The following SPTLC2 variants were observed in gnomAD, a reference collection of about 807,000 sequenced individuals.
The protein encoded by SPTLC2 is serine palmitoyltransferase 2.
Under a neutral mutation model 62.0 loss-of-function variants are expected in SPTLC2, and 21 were observed. The observed-to-expected ratio is 0.34, with a 90% CI of 0.24 to 0.49. The LOEUF is 0.49. SPTLC2 is among the 20% of genes least tolerant of loss of function. The pLI is 0.99. For synonymous variants in SPTLC2, 261 were observed against 261.8 expected, an observed-to-expected ratio of 1.00 and a Z score of 0.03; for missense variants, 511 against 713.0, an observed-to-expected ratio of 0.72 and a Z score of 3.23.
chr14:77,585,835 A>G (rs1161053815), intron 2 of SPTLC2, among the ~76,000 whole-genome samples: 1 of 152,218 alleles, frequency 6.6e-6, no homozygotes, highest in African/African-American at 2.4e-5. Context: ...TATTTTAAAA[A>G]CTTTCTCACT....
At chr14:77,527,488 T>A (rs188835224) in intron 9 of SPTLC2, among the ~76,000 whole-genome samples, 121 of 152,324 alleles carry the variant, frequency 7.9e-4, no homozygotes, top group Middle Eastern at 6.8e-3. Context: ...CAAAACAGAA[T>A]TAGATTTAGG....
chr14:77,593,524 A>C (rs1017382039), intron 2 of SPTLC2, among the ~76,000 whole-genome samples: 2 of 152,188 alleles, frequency 1.3e-5, no homozygotes, highest in African/African-American at 4.8e-5. Flanking sequence ...CTCATCCAAA[A>C]CACCACGAAT....
chr14:77,594,143 AT>A (rs1163774023), intron 2 of SPTLC2, among the ~76,000 whole-genome samples: 2 of 152,158 alleles, frequency 1.3e-5, no homozygotes, highest in African/African-American at 4.8e-5. Context: ...TGCTACTCAG[AT>A]ACTTTTTTTG....
intron 2 of SPTLC2, among the ~76,000 whole-genome samples, chr14:77,594,184 T>C (rs924381557): frequency 6.6e-6 from 1 of 152,320 alleles, no homozygotes; most frequent in South Asian, 2.1e-4. Flanking sequence ...CTAAGTATTA[T>C]TTACTTGTAT....
intron 9 of SPTLC2, among the ~76,000 whole-genome samples, chr14:77,548,789 C>T (rs963897): frequency 0.96 from 146,224 of 152,228 alleles, 70,523 homozygotes; most frequent in East Asian, 1. Flanking sequence ...GGGAAAGGAG[C>T]GCTCACAAAG....
chr14:77,527,835 A>C (rs2079416983), intron 9 of SPTLC2, among the ~76,000 whole-genome samples: 1 of 152,234 alleles, frequency 6.6e-6, no homozygotes, highest in Non-Finnish European at 1.5e-5. Context: ...AGTACTATTT[A>C]GCATTATACT....
chr14:77,556,720 G>C (rs906070411), intron 7 of SPTLC2, among the ~76,000 whole-genome samples: 1 of 124,772 alleles, frequency 8.0e-6, no homozygotes, highest in Non-Finnish European at 1.9e-5. Context: ...AAAATTAAAT[G>C]GTGTGTAATT....
At chr14:77,581,242 C>A (rs1189567705) in intron 2 of SPTLC2, among the ~76,000 whole-genome samples, 3 of 152,148 alleles carry the variant, frequency 2.0e-5, no homozygotes, top group African/African-American at 7.2e-5. Flanking sequence ...AAAAGATTTT[C>A]ATTGCTAAAG....
chr14:77,601,881 A>C (rs893823950), intron 1 of SPTLC2, among the ~76,000 whole-genome samples: 1 of 152,214 alleles, frequency 6.6e-6, no homozygotes, highest in African/African-American at 2.4e-5. Flanking sequence ...CCGTGGACCC[A>C]AAACTCCGGT....
chr14:77,562,858 T>A (rs2079622585), intron 5 of SPTLC2, among the ~76,000 whole-genome samples: 2 of 152,238 alleles, frequency 1.3e-5, no homozygotes, highest in Non-Finnish European at 2.9e-5. Flanking sequence ...GTTCTGTTTA[T>A]CTGTGGGAAA....
intron 11 of SPTLC2, among the ~76,000 whole-genome samples, chr14:77,514,001 G>C (rs756402273): frequency 2.0e-4 from 31 of 151,400 alleles, no homozygotes; most frequent in Non-Finnish European, 3.8e-4. Flanking sequence ...AGGAGTTTGA[G>C]ACCAGCCTGG....
intron 5 of SPTLC2, among the ~76,000 whole-genome samples, chr14:77,566,153 T>C (rs960926430): frequency 8.5e-5 from 13 of 152,180 alleles, no homozygotes; most frequent in Non-Finnish European, 1.9e-4. Context: ...ATGTTCTTTT[T>C]TTCTGGCAAA....
intron 5 of SPTLC2, among the ~76,000 whole-genome samples, chr14:77,566,315 C>T (rs547836485): frequency 6.6e-6 from 1 of 152,222 alleles, no homozygotes; most frequent in East Asian, 1.9e-4. Context: ...AACATCTAAG[C>T]GCTTAATGTT....
In SPTLC2 at chr14:77,518,156, C is replaced by T. The variant is rs755350573; in HGVS notation, c.1451G>A (p.Arg484Gln). ...YMPAKIGAFGREMLKRNIGVV... is the reference protein window; with the variant it reads ...YMPAKIGAFGQEMLKRNIGVV... The stretch of plus-strand genomic sequence containing the variant: ...ACCGATGTTCCGCTTCAGCATCTCC[C>T]GTCCAAAGGCGCTGCAAAGGGGAAA... The change falls in exon 11 of 12, where the codon CGG becomes CAG. Residue 484 changes from arginine (R) to glutamine (Q), a missense_variant. Physicochemically the swap from Arg to Gln is conservative, Grantham distance 43. Transcript: ENST00000216484. The T allele has an allele frequency of 1.9e-5, 30 of 1,613,944 alleles. No homozygotes were observed. The highest frequency in any genetic ancestry group is 3.3e-5 in the South Asian group (3 of 91,064).
rs574496247 is a variant in SPTLC2 at position 77,510,594 on chromosome 14, T to A, written c.*1690A>T. 2.0e-5 allele frequency: 3 copies of A among 152,464 alleles called. No homozygotes were observed. The East Asian group carries it at 5.8e-4, about 29-fold the overall frequency. The allele number at this position is 152,464 out of a possible 1,614,324, so 9.4% of individuals were successfully genotyped here. A position where few individuals can be genotyped will look rare whatever the true frequency, so the allele number is the denominator to read the frequency against. On this transcript the variant is annotated 3_prime_UTR_variant, in exon 12 of 12. Coordinates refer to ENST00000216484, the MANE Select transcript of SPTLC2 (RefSeq NM_004863.4). ...TTCAAGCGATTCTCCTGCCTCAGCC[T>A]ACCAAGTAGGTGGGATTATAGGTGC...
chr14:77,570,395 G>T lies in SPTLC2; in HGVS notation c.745C>A (p.Leu249Ile). Residue 249 changes from leucine (L) to isoleucine (I), a missense_variant, in exon 5 of 12, where the codon CTT (leucine) becomes ATT (isoleucine). By Grantham distance (5) the Leu-to-Ile change is conservative (BLOSUM62 2). Coordinates refer to ENST00000216484, the MANE Select transcript of SPTLC2 (RefSeq NM_004863.4). ...FATNSMNIPA[L>I]VGKGCLILSD... is the part of the protein sequence containing the mutation. ...ACAGAGTATCTTACTTTGCCAACAAGAGCAGGAATGTTCATTGAATTCGTT... is the reference window on the plus strand; with the variant it reads ...ACAGAGTATCTTACTTTGCCAACAATAGCAGGAATGTTCATTGAATTCGTT... 6.2e-7 allele frequency: 1 copy of T among 1,613,388 alleles called. No individual in the cohort carries two copies. Among genetic ancestry groups the T allele is most frequent in the South Asian group, 1.1e-5 (1 of 91,050 alleles).
intron 9 of SPTLC2, among the ~76,000 whole-genome samples, chr14:77,531,080 T>C (rs1055953799): frequency 6.6e-6 from 1 of 152,120 alleles, no homozygotes; most frequent in East Asian, 1.9e-4. Flanking sequence ...CCATCCTGCA[T>C]TCTCCTTTCC....
intron 9 of SPTLC2, among the ~76,000 whole-genome samples, chr14:77,550,601 A>T (rs148104141): frequency 1.5e-3 from 222 of 151,968 alleles, no homozygotes; most frequent in Middle Eastern, 6.8e-3. Flanking sequence ...AAAGGAAAAG[A>T]AAAGAAAAGA....
chr14:77,577,147 T>G (rs1000605814), intron 3 of SPTLC2, among the ~76,000 whole-genome samples: 1 of 139,438 alleles, frequency 7.2e-6, no homozygotes, highest in Non-Finnish European at 1.6e-5. Context: ...GACAATCACC[T>G]TATCTTACAG....
Sources: allele counts gnomAD v4.1 joint callset (sites outside exome capture counted in the v4.1 genomes callset), GRCh38; gene constraint gnomAD v4.1.1; transcripts MANE v1.5; gene names NCBI Gene and HGNC (gene_info 2026-07-23, HGNC 2026-07-21).